PDE3A: variants seen among roughly 807,000 people sequenced by gnomAD.
PDE3A encodes the protein phosphodiesterase 3A.
In PDE3A, 43 loss-of-function variants were observed where a neutral mutation model predicts 98.3. That is an observed-to-expected ratio of 0.44 (90% CI 0.34 to 0.56). PDE3A has a LOEUF of 0.56. Ranked by LOEUF, PDE3A falls within the 20% of genes least tolerant of loss-of-function variation. The probability of loss-of-function intolerance (pLI) is 0.01; values close to 1 mark genes in which losing one functional copy is unlikely to be tolerated. For synonymous variants in PDE3A, 663 were observed against 567.9 expected (o/e 1.17, Z -2.38); for missense variants, 1,427 against 1,440.7 (o/e 0.99, Z 0.15).
At chr12:20,405,446 C>T (rs1944215415) in intron 1 of PDE3A, among the ~76,000 whole-genome samples, 1 of 152,106 alleles carries the variant, frequency 6.6e-6, no homozygotes, top group Non-Finnish European at 1.5e-5. Flanking sequence ...TTTCACAAAG[C>T]TTTCTGAATC....
chr12:20,433,217 CA>C (rs547513869), intron 1 of PDE3A, among the ~76,000 whole-genome samples: 1 of 152,222 alleles, frequency 6.6e-6, no homozygotes, highest in African/African-American at 2.4e-5. Flanking sequence ...TGGTGGGACA[CA>C]GCAGACCTGT....
intron 1 of PDE3A, among the ~76,000 whole-genome samples, chr12:20,488,044 A>G (rs538488010): frequency 3.3e-5 from 5 of 152,370 alleles, no homozygotes; most frequent in Admixed American, 2.6e-4. Flanking sequence ...GATACTATCT[A>G]TAGCGTTACC....
At chr12:20,460,706 G>A (rs1269851582) in intron 1 of PDE3A, among the ~76,000 whole-genome samples, 1 of 152,116 alleles carries the variant, frequency 6.6e-6, no homozygotes, top group African/African-American at 2.4e-5. Context: ...TAAAATGCTT[G>A]CATCTGAAAA....
intron 1 of PDE3A, among the ~76,000 whole-genome samples, chr12:20,380,829 T>C (rs1943651512): frequency 6.6e-6 from 1 of 151,914 alleles, no homozygotes; most frequent in Admixed American, 6.6e-5. Context: ...AACTGAGACA[T>C]TCACTATAAA....
chr12:20,540,844 T>G (rs574364412), intron 1 of PDE3A, among the ~76,000 whole-genome samples: 2 of 152,174 alleles, frequency 1.3e-5, no homozygotes, highest in East Asian at 3.9e-4. Flanking sequence ...CCTTCTTTTC[T>G]GGAATGCAAT....
intron 2 of PDE3A, among the ~76,000 whole-genome samples, chr12:20,605,306 T>C (rs1248126328): frequency 6.6e-6 from 1 of 152,166 alleles, no homozygotes. Flanking sequence ...CTACTCAGTG[T>C]ACACTAGGCA....
At chr12:20,591,675 G>A (rs947402733) in intron 2 of PDE3A, among the ~76,000 whole-genome samples, 1 of 152,192 alleles carries the variant, frequency 6.6e-6, no homozygotes, top group Non-Finnish European at 1.5e-5. Flanking sequence ...GTAGAGAGGT[G>A]TTATTCTTTT....
intron 1 of PDE3A, among the ~76,000 whole-genome samples, chr12:20,464,295 A>T (rs563847180): frequency 4.4e-4 from 67 of 152,308 alleles, no homozygotes; most frequent in Admixed American, 3.0e-3. Flanking sequence ...ATTTCAATAG[A>T]TCCACAAATT....
chr12:20,377,271 GATTTTAC>G (rs1269176868), intron 1 of PDE3A, among the ~76,000 whole-genome samples: 2 of 151,720 alleles, frequency 1.3e-5, no homozygotes, highest in African/African-American at 4.8e-5. Flanking sequence ...CCATACATTT[GATTTTAC>G]ATTTTCTAGA....
chr12:20,519,451 G>A (rs11045290), intron 1 of PDE3A, among the ~76,000 whole-genome samples: 7 of 152,050 alleles, frequency 4.6e-5, no homozygotes, highest in African/African-American at 1.2e-4. Context: ...TTTGATATCC[G>A]CAATAATAAA....
intron 1 of PDE3A, among the ~76,000 whole-genome samples, chr12:20,512,615 A>G (rs1946248243): frequency 6.6e-6 from 1 of 152,120 alleles, no homozygotes; most frequent in Non-Finnish European, 1.5e-5. Context: ...TTTTAATTAC[A>G]CAATGGAATA....
intron 2 of PDE3A, among the ~76,000 whole-genome samples, chr12:20,558,691 AAATAATAATAAT>A (rs66996145): frequency 6.8e-6 from 1 of 147,832 alleles, no homozygotes; most frequent in African/African-American, 2.5e-5. Context: ...CCTGCTGACG[AAATAATAATAAT>A]AATAATAATA....
intron 2 of PDE3A, 78 bp from the exon 3 acceptor site, chr12:20,613,365 G>A (rs1341018958): frequency 3.4e-5 from 46 of 1,362,360 alleles, no homozygotes; most frequent in Non-Finnish European, 3.9e-5. Context: ...ATTTCTTAGT[G>A]AAAAAGTCCA....
At chr12:20,431,907 G>C (rs2120805095) in intron 1 of PDE3A, among the ~76,000 whole-genome samples, 1 of 152,246 alleles carries the variant, frequency 6.6e-6, no homozygotes, top group African/African-American at 2.4e-5. Context: ...TGAGTATTAA[G>C]GCAAAATTTT....
At position 20,386,171 on chromosome 12, in the gene PDE3A, A is replaced by AT. The variant is rs1491078513; in HGVS notation, c.960+15927_960+15928insT. Among the ~76,000 whole-genome samples, 69 of 96,394 alleles carry AT rather than the reference A, an allele frequency of 7.2e-4. 1 individual carries two copies. Among genetic ancestry groups the AT allele is most frequent in the African/African-American group, 1.8e-3 (40 of 22,420 alleles). 63.2% of individuals were successfully genotyped at this position (96,394 alleles called of 152,430 possible). A position where few individuals can be genotyped will look rare whatever the true frequency, so the allele number is the denominator to read the frequency against. On this transcript the variant is annotated intron_variant, in intron 1 of 15. Coordinates refer to ENST00000359062, the MANE Select transcript of PDE3A (RefSeq NM_000921.5). ...TATATATAAATATATATAAATATAT[A>AT]AAAATATATATAAATATATATAAAT...
At chr12:20,423,314 C>A (rs889859157) in intron 1 of PDE3A, among the ~76,000 whole-genome samples, 1 of 152,152 alleles carries the variant, frequency 6.6e-6, no homozygotes, top group Non-Finnish European at 1.5e-5. Flanking sequence ...ATCAATCCCT[C>A]TCTTTCTTTC....
At chr12:20,510,345 A>G (rs1186412693) in intron 1 of PDE3A, among the ~76,000 whole-genome samples, 1 of 152,126 alleles carries the variant, frequency 6.6e-6, no homozygotes, top group Non-Finnish European at 1.5e-5. Flanking sequence ...AACTAAAATA[A>G]TCCACTAGAA....
chr12:20,680,453 TG>T lies in PDE3A; in HGVS notation c.*183del. ...GTGAGGTACATTGTTAAAAACTTTT[TG>T]CTCAAAGAAGCTTTCACATTGCAAC... On this transcript the variant is annotated 3_prime_UTR_variant, in exon 16 of 16. Coordinates refer to ENST00000359062, the MANE Select transcript of PDE3A (RefSeq NM_000921.5). The T allele has an allele frequency of 1.6e-6, 1 of 636,904 alleles. No homozygotes were observed. The highest frequency in any genetic ancestry group is 2.7e-6 in the Non-Finnish European group (1 of 374,274). The allele number at this position is 636,904 out of a possible 1,614,324, so 39.5% of individuals were successfully genotyped here. A position where few individuals can be genotyped will look rare whatever the true frequency, so the allele number is the denominator to read the frequency against.
chr12:20,417,382 T>C (rs1944438132), intron 1 of PDE3A, among the ~76,000 whole-genome samples: 1 of 152,256 alleles, frequency 6.6e-6, no homozygotes, highest in South Asian at 2.1e-4. Flanking sequence ...TCCCCAATTA[T>C]ATCTTTAGAT....
Sources: gnomAD v4.1 joint callset for allele counts (sites outside exome capture counted in the v4.1 genomes callset) on GRCh38, gnomAD v4.1.1 for gene constraint, MANE v1.5 for transcripts, NCBI Gene and HGNC (gene_info 2026-07-23, HGNC 2026-07-21) for gene names.